Variants in CHEK1 observed in about 807,000 individuals in gnomAD.
CHEK1 encodes checkpoint kinase 1, also known as serine/threonine-protein kinase Chk1.
CHEK1 carries 32 observed loss-of-function variants against 60.2 expected under a neutral mutation model. The observed-to-expected ratio is 0.53, with a 90% CI of 0.40 to 0.71. The LOEUF (loss-of-function observed/expected upper bound fraction) is 0.71. CHEK1 is among the 30% of genes least tolerant of loss of function. The pLI is 0.00. For synonymous variants in CHEK1, 179 were observed against 187.2 expected, an observed-to-expected ratio of 0.96 and a Z score of 0.36; for missense variants, 399 against 564.6, an observed-to-expected ratio of 0.71 and a Z score of 2.97.
chr11:125,628,801 A>C (rs1337184008), intron 3 of CHEK1, among the ~76,000 whole-genome samples: 4 of 152,180 alleles, frequency 2.6e-5, no homozygotes, highest in Admixed American at 2.6e-4. Context: ...TTAAATTATA[A>C]AAGAAGTATA....
intron 13 of CHEK1, among the ~76,000 whole-genome samples, chr11:125,662,596 A>G (rs745970845): frequency 2.2e-4 from 34 of 152,188 alleles, no homozygotes; most frequent in Admixed American, 7.9e-4. Context: ...TTTTATTGCT[A>G]TGTGGTATCC....
intron 13 of CHEK1, among the ~76,000 whole-genome samples, chr11:125,666,052 AT>A (rs1942093029): frequency 6.6e-6 from 1 of 150,512 alleles, no homozygotes; most frequent in Non-Finnish European, 1.5e-5. Flanking sequence ...TTTTAAAAAA[AT>A]TTGGTTCTTT....
rs756486238 is a variant in CHEK1 at position 125,635,395 on chromosome 11, CATTTAAAAAA to C, written c.614-32_614-23del. 6.3e-5 allele frequency: 78 copies of C among 1,247,786 alleles called. 1 individual carries two copies. In the Middle Eastern group the frequency reaches 6.4e-3, roughly 103 times the overall value. 77.3% of individuals were successfully genotyped at this position (1,247,786 alleles called of 1,614,324 possible). A position where few individuals can be genotyped will look rare whatever the true frequency, so the allele number is the denominator to read the frequency against. Reference sequence around the variant, plus strand: ...TTCCTTGAAATCTTTATAATAAGAACATTTAAAAAAACTGGGACTTGCTTTGTTTTTAGAA... The same window carrying C: ...TTCCTTGAAATCTTTATAATAAGAACACTGGGACTTGCTTTGTTTTTAGAA... On this transcript the variant is annotated intron_variant, in intron 6 of 12. Transcript: ENST00000438015.
In CHEK1 at chr11:125,625,998, G is replaced by T. The variant is rs1393318784; in HGVS notation, c.-35G>T. 4.3e-6 allele frequency: 3 copies of T among 701,772 alleles called. No homozygotes were observed. Among genetic ancestry groups the T allele is most frequent in the South Asian group, 1.5e-5 (1 of 67,602 alleles). 43.5% of individuals were successfully genotyped at this position (701,772 alleles called of 1,614,324 possible). On this transcript the variant is annotated 5_prime_UTR_variant, in exon 1 of 13. Coordinates refer to ENST00000438015, the MANE Select transcript of CHEK1 (RefSeq NM_001114122.3). Reference sequence around the variant, plus strand: ...TGCATTTGGATTCCTGCAGTGGTGGGCAAAGGACAGTCCGGTGAGGAAGGG... The same window carrying T: ...TGCATTTGGATTCCTGCAGTGGTGGTCAAAGGACAGTCCGGTGAGGAAGGG...
intron 8 of CHEK1, among the ~76,000 whole-genome samples, chr11:125,640,536 T>A (rs1941256830): frequency 7.1e-6 from 1 of 141,264 alleles, no homozygotes; most frequent in Non-Finnish European, 1.5e-5. Context: ...CGAGACTCCG[T>A]CTCAAAAAAA....
chr11:125,678,997 T>TATATATATATATATATAG (rs1446760515), downstream of CHEK1, among the ~76,000 whole-genome samples: 4 of 142,290 alleles, frequency 2.8e-5, no homozygotes, highest in African/African-American at 1.0e-4. Context: ...TATATATATA[T>TATATATATATATATATAG]AGACACACAC....
chr11:125,677,837 C>T (rs747327464), downstream of CHEK1: 2 of 1,614,126 alleles, frequency 1.2e-6, no homozygotes, highest in Admixed American at 1.7e-5. Context: ...AAGCCTGTTC[C>T]CCTGAAGCGT....
rs1941885248 is a variant in CHEK1 at position 125,655,756 on chromosome 11, G to A, written c.*436G>A. 4.6e-6 allele frequency: 1 copy of A among 217,304 alleles called. No individual in the cohort carries two copies. Among genetic ancestry groups the A allele is most frequent in the Non-Finnish European group, 9.3e-6 (1 of 108,054 alleles). 13.5% of individuals were successfully genotyped at this position (217,304 alleles called of 1,614,324 possible). A position where few individuals can be genotyped will look rare whatever the true frequency, so the allele number is the denominator to read the frequency against. ...ACATAATTCTTGTGACTTTTGGACA[G>A]TAGATTTATCAGTCTGTGAAGCGAA... On this transcript the variant is annotated 3_prime_UTR_variant, in exon 13 of 13. Coordinates refer to ENST00000438015, the MANE Select transcript of CHEK1 (RefSeq NM_001114122.3).
chr11:125,626,990 CT>C (rs3731396), intron 2 of CHEK1, among the ~76,000 whole-genome samples, 157 bp downstream of exon 2: 1,791 of 152,002 alleles, frequency 0.012, 19 homozygotes, highest in Non-Finnish European at 0.019. Flanking sequence ...TTTTCCTTCC[CT>C]TTAAAAAAAA....
chr11:125,674,527 G>T (rs1049865563), intron 13 of CHEK1, among the ~76,000 whole-genome samples: 1 of 152,208 alleles, frequency 6.6e-6, no homozygotes, highest in Non-Finnish European at 1.5e-5. Context: ...GATGCAGAAT[G>T]AGTGAAAAGA....
chr11:125,644,142 T>C lies in CHEK1; in HGVS notation c.975T>C (p.Leu325=), dbSNP rs1375005562. ...CTCAGCCAGAACCCCGCACAGGTCT[T>C]TCCTTATGGGATACCAGCCCCTCAT... ...SSSQPEPRTG[L]SLWDTSPSYI... Residue 325 remains leucine, a synonymous_variant, in exon 10 of 13, where the codon CTT becomes CTC. Transcript: ENST00000438015. The C allele has an allele frequency of 1.2e-6, 2 of 1,614,016 alleles. No homozygotes were observed. Among genetic ancestry groups the C allele is most frequent in the African/African-American group, 2.7e-5 (2 of 74,910 alleles).
In CHEK1 at chr11:125,627,596, T is replaced by C. The variant is rs1025300510; in HGVS notation, c.66-11T>C. On this transcript the variant is annotated splice_polypyrimidine_tract_variant and intron_variant, in intron 2 of 12. Coordinates refer to ENST00000438015, the MANE Select transcript of CHEK1 (RefSeq NM_001114122.3). ...GGAATTCTGTAATGTTAAAACTCTT[T>C]TCCTTTTTAGAGTTCAACTTGCTGT... is the stretch of plus-strand genomic sequence containing the variant. 8 of 1,596,234 alleles carry C rather than the reference T, an allele frequency of 5.0e-6. No homozygotes were observed. Among genetic ancestry groups the C allele is most frequent in the Non-Finnish European group, 6.8e-6 (8 of 1,172,804 alleles).
chr11:125,628,548 A>G (rs1222642748), intron 3 of CHEK1, among the ~76,000 whole-genome samples: 3 of 152,194 alleles, frequency 2.0e-5, no homozygotes, highest in Middle Eastern at 3.2e-3. Context: ...AAGATAACTG[A>G]TAAAAGAACT....
intron 11 of CHEK1, among the ~76,000 whole-genome samples, chr11:125,652,265 ACTGT>A (rs1941763428): frequency 6.6e-6 from 1 of 152,106 alleles, no homozygotes; most frequent in Non-Finnish European, 1.5e-5. Flanking sequence ...GAGTCTTGGC[ACTGT>A]CTGTTAGCTG....
At chr11:125,670,058 A>G (rs1942174188) in intron 13 of CHEK1, among the ~76,000 whole-genome samples, 1 of 152,042 alleles carries the variant, frequency 6.6e-6, no homozygotes, top group Admixed American at 6.6e-5. Flanking sequence ...TTCCGATTTG[A>G]TAATTACTAT....
intron 6 of CHEK1, 43 bp downstream of exon 6, chr11:125,633,394 G>T (rs768228306): frequency 7.1e-7 from 1 of 1,417,992 alleles, no homozygotes; most frequent in Non-Finnish European, 9.4e-7. Context: ...TAAAAAGTCA[G>T]ATTAGTTATA....
intron 13 of CHEK1, among the ~76,000 whole-genome samples, chr11:125,675,502 A>G (rs1335965077): frequency 2.0e-5 from 3 of 152,318 alleles, no homozygotes; most frequent in Non-Finnish European, 2.9e-5. Flanking sequence ...CTAGTGAGGA[A>G]GAAGAAAAAC....
rs1940535615 is a variant in CHEK1, at chr11:125,625,275, G to C, written c.-758G>C. On this transcript the variant is annotated 5_prime_UTR_variant, in exon 1 of 13. Coordinates refer to ENST00000438015, the MANE Select transcript of CHEK1 (RefSeq NM_001114122.3). ...CGGGCTGAAGTAAAGCATTGTTTTGGAGCTGGTTCACAGAAAAAAGGCAAA... is the reference window on the plus strand; with the variant it reads ...CGGGCTGAAGTAAAGCATTGTTTTGCAGCTGGTTCACAGAAAAAAGGCAAA... 1 of 233,182 alleles carries C rather than the reference G, an allele frequency of 4.3e-6. No individual in the cohort carries two copies. Among genetic ancestry groups the C allele is most frequent in the Non-Finnish European group, 8.5e-6 (1 of 118,306 alleles). 14.4% of individuals were successfully genotyped at this position (233,182 alleles called of 1,614,324 possible).
intron 6 of CHEK1, 26 bp downstream of exon 6, chr11:125,633,377 ACTC>A: frequency 1.3e-6 from 2 of 1,490,132 alleles, no homozygotes; most frequent in Middle Eastern, 3.6e-4. Flanking sequence ...TCATGGTAAA[ACTC>A]CTATAAAAAG....
Sources: allele counts gnomAD v4.1 joint callset (sites outside exome capture counted in the v4.1 genomes callset), GRCh38; gene constraint gnomAD v4.1.1; transcripts MANE v1.5; gene names NCBI Gene and HGNC (gene_info 2026-07-23, HGNC 2026-07-21).